Variants in HIPK1 observed in about 807,000 individuals in gnomAD.
HIPK1 encodes the protein homeodomain interacting protein kinase 1, also known as homeodomain-interacting protein kinase 1.
A neutral mutation model predicts 117.1 loss-of-function variants in HIPK1; 28 were observed. The ratio of observed to expected loss-of-function variants is 0.24; its 90% CI spans 0.18 to 0.33. HIPK1 has a LOEUF of 0.33. HIPK1 is among the 10% of genes least tolerant of loss of function. The probability of loss-of-function intolerance (pLI) is 1.00; values close to 1 mark genes in which losing one functional copy is unlikely to be tolerated. For synonymous variants in HIPK1, 605 were observed against 562.5 expected (o/e 1.08, Z -1.07); for missense variants, 1,122 against 1,475.1 (o/e 0.76, Z 3.92).
At chr1:113,939,917 T>G (rs1020559952) in intron 1 of HIPK1, among the ~76,000 whole-genome samples, 2 of 152,032 alleles carry the variant, frequency 1.3e-5, no homozygotes, top group African/African-American at 4.8e-5. Context: ...CCTCGGTTCT[T>G]CAGAATATAC....
chr1:113,936,775 A>G (rs1312870852), intron 1 of HIPK1, among the ~76,000 whole-genome samples: 1 of 152,200 alleles, frequency 6.6e-6, no homozygotes, highest in Non-Finnish European at 1.5e-5. Context: ...TTTCAGTATT[A>G]CTTTATGACC....
chr1:113,954,598 T>C, intron 3 of HIPK1, 53 bp from the exon 4 acceptor site: 1 of 1,598,212 alleles, frequency 6.3e-7, no homozygotes. Flanking sequence ...TAAAAGCCTT[T>C]AATAATTTCC....
chr1:113,960,529 A>G (rs745836079), intron 8 of HIPK1, among the ~76,000 whole-genome samples: 2 of 152,188 alleles, frequency 1.3e-5, no homozygotes, highest in African/African-American at 2.4e-5. Flanking sequence ...CCTGGGGGCT[A>G]TAGATGAGCT....
At chr1:113,967,677 C>T (rs1404492372) in intron 11 of HIPK1, 89 bp from the exon 12 acceptor site, 1 of 844,402 alleles carries the variant, frequency 1.2e-6, no homozygotes, top group Non-Finnish European at 1.7e-6. Flanking sequence ...AATGCAGCTG[C>T]ATTTTGGCTA....
intron 3 of HIPK1, chr1:113,953,959 G>GT (rs1416876029): frequency 3.3e-5 from 5 of 150,892 alleles, no homozygotes; most frequent in Non-Finnish European, 7.4e-5. Flanking sequence ...TTTTGTTGTG[G>GT]TTTTTAAGTT....
In HIPK1 at chr1:113,974,438, G is replaced by A. The variant is rs1202612897; in HGVS notation, c.*926G>A. On this transcript the variant is annotated 3_prime_UTR_variant, in exon 16 of 16. Coordinates refer to ENST00000426820, the MANE Select transcript of HIPK1 (RefSeq NM_198268.3). The stretch of plus-strand genomic sequence containing the variant: ...TATATGCAAAATCTCTGTCTATTAT[G>A]AGATACTGGCATTGATGAGCTTTGC... The A allele has an allele frequency of 6.5e-6, 1 of 152,790 alleles. No individual in the cohort carries two copies. Among genetic ancestry groups the A allele is most frequent in the Non-Finnish European group, 1.5e-5 (1 of 68,030 alleles). The allele number at this position is 152,790 out of a possible 1,614,324, so 9.5% of individuals were successfully genotyped here.
At chr1:113,938,372 G>A (rs1051318434) in intron 1 of HIPK1, among the ~76,000 whole-genome samples, 3 of 151,626 alleles carry the variant, frequency 2.0e-5, no homozygotes, top group Admixed American at 6.6e-5. Context: ...CCCAAAGTGC[G>A]GGAATTACAG....
chr1:113,956,175 A>G lies in HIPK1; in HGVS notation c.1408-452A>G, dbSNP rs1017088782. Among the ~76,000 whole-genome samples, 15 of 150,622 alleles carry G rather than the reference A, an allele frequency of 1.0e-4. No individual in the cohort carries two copies. In the Admixed American group the frequency reaches 1.0e-3, roughly 10 times the overall value. On this transcript the variant is annotated intron_variant, in intron 5 of 15. Transcript: ENST00000426820. ...CTGCAACCTCTGCCTCCCGGGTTCAAGCGATTCTCCTGCCTCAGCCTCCCA... is the reference window on the plus strand; with the variant it reads ...CTGCAACCTCTGCCTCCCGGGTTCAGGCGATTCTCCTGCCTCAGCCTCCCA...
At chr1:113,951,887 T>G (rs78797009) in intron 2 of HIPK1, among the ~76,000 whole-genome samples, 3,890 of 151,944 alleles carry the variant, frequency 0.026, 92 homozygotes, top group Middle Eastern at 0.086. Context: ...GCATTTCTTT[T>G]TCTTTTTTTT....
chr1:113,958,164 A>G lies in HIPK1; in HGVS notation c.1854A>G (p.Pro618=). The G allele has an allele frequency of 6.2e-7, 1 of 1,614,164 alleles. No individual in the cohort carries two copies. The highest frequency in any genetic ancestry group is 8.5e-7 in the Non-Finnish European group (1 of 1,180,006). Reference sequence around the variant, plus strand: ...TAAACTACCAGTCAGCTTTGTACCCATCATCTGCTGCACCAGTTCCTGGAG... The same window carrying G: ...TAAACTACCAGTCAGCTTTGTACCCGTCATCTGCTGCACCAGTTCCTGGAG... The part of the protein sequence containing the change: ...SLLNYQSALY[P]SSAAPVPGVA... Residue 618 remains proline (P), a synonymous_variant, in exon 8 of 16, where the codon CCA becomes CCG. Coordinates refer to ENST00000426820, the MANE Select transcript of HIPK1 (RefSeq NM_198268.3).
intron 9 of HIPK1, 47 bp from the exon 10 acceptor site, chr1:113,963,339 AT>A (rs778624011): frequency 6.2e-7 from 1 of 1,603,338 alleles, no homozygotes; most frequent in Admixed American, 1.7e-5. Context: ...GAATCCAGAT[AT>A]CCTGCCTCCG....
intron 2 of HIPK1, among the ~76,000 whole-genome samples, chr1:113,949,308 A>G (rs1337050383): frequency 6.6e-6 from 1 of 152,124 alleles, no homozygotes; most frequent in South Asian, 2.1e-4. Flanking sequence ...ATTTTGGCTC[A>G]TTGCCAGTTG....
intron 6 of HIPK1, 139 bp downstream of exon 6, chr1:113,956,950 A>G: frequency 4.3e-6 from 4 of 920,568 alleles, no homozygotes; most frequent in Admixed American, 2.6e-5. Context: ...TCATTGAAAC[A>G]TCATAAGATA....
chr1:113,960,238 T>C (rs1672007653), intron 8 of HIPK1, among the ~76,000 whole-genome samples: 1 of 152,218 alleles, frequency 6.6e-6, no homozygotes, highest in African/African-American at 2.4e-5. Flanking sequence ...TTTAAAGGAC[T>C]ATGTTCAATA....
intron 1 of HIPK1, among the ~76,000 whole-genome samples, chr1:113,939,333 T>G (rs1558126398): frequency 7.6e-6 from 1 of 130,734 alleles, no homozygotes; most frequent in African/African-American, 2.6e-5. Flanking sequence ...TTCTGTTTTT[T>G]TTTTTTTTTG....
chr1:113,966,424 G>A (rs1271394979), intron 11 of HIPK1, 152 bp downstream of exon 11: 3 of 607,108 alleles, frequency 4.9e-6, no homozygotes, highest in East Asian at 3.2e-5. Flanking sequence ...AGGAGATGGT[G>A]TTATAAGAAA....
chr1:113,965,676 TTTG>T (rs1288451063), intron 10 of HIPK1, among the ~76,000 whole-genome samples: 1 of 152,188 alleles, frequency 6.6e-6, no homozygotes, highest in Non-Finnish European at 1.5e-5. Flanking sequence ...AGTTCTGCCT[TTTG>T]TTTTATGGGT....
Position 113,973,258 on chromosome 1 carries a change from A to T in HIPK1, c.3379A>T (p.Ser1127Cys). The T allele has an allele frequency of 6.2e-7, 1 of 1,614,116 alleles. No individual in the cohort carries two copies. The highest frequency in any genetic ancestry group is 8.5e-7 in the Non-Finnish European group (1 of 1,180,026). ...TTCTGCTGCTGCACTGGGCTCAACCAGCTCCATTGCTCATCTTTTCTCCCC... is the reference window on the plus strand; with the variant it reads ...TTCTGCTGCTGCACTGGGCTCAACCTGCTCCATTGCTCATCTTTTCTCCCC... ...PTSAAALGST[S>C]SIAHLFSPQG... The change falls in exon 16 of 16, where the codon AGC (serine) becomes TGC (cysteine). Residue 1127 changes from serine (S) to cysteine (C), a missense_variant. Coordinates refer to ENST00000426820, the MANE Select transcript of HIPK1 (RefSeq NM_198268.3).
intron 7 of HIPK1, 65 bp from the exon 8 acceptor site, chr1:113,958,001 A>G (rs1344036669): frequency 7.1e-6 from 8 of 1,133,534 alleles, no homozygotes; most frequent in Admixed American, 5.3e-5. Context: ...TAAATTCTGT[A>G]TATATAAAAT....
Sources: allele counts gnomAD v4.1 joint callset (sites outside exome capture counted in the v4.1 genomes callset), GRCh38; gene constraint gnomAD v4.1.1; transcripts MANE v1.5; gene names NCBI Gene and HGNC (gene_info 2026-07-23, HGNC 2026-07-21).